The following SH3PXD2A variants were observed in gnomAD, a reference collection of about 807,000 sequenced individuals.
The protein encoded by SH3PXD2A is SH3 and PX domains 2A.
SH3PXD2A carries 32 observed loss-of-function variants against 115.2 expected under a neutral mutation model. The observed-to-expected ratio is 0.28, with a 90% CI of 0.21 to 0.37. SH3PXD2A has a LOEUF of 0.37. Ranked by LOEUF, SH3PXD2A falls within the 10% of genes least tolerant of loss-of-function variation. SH3PXD2A has a pLI of 1.00. For synonymous variants in SH3PXD2A, 610 were observed against 629.1 expected (o/e 0.97, Z 0.45); for missense variants, 1,328 against 1,498.7 (o/e 0.89, Z 1.88).
intron 3 of SH3PXD2A, among the ~76,000 whole-genome samples, chr10:103,766,355 T>G (rs1198314379): frequency 6.6e-6 from 1 of 152,188 alleles, no homozygotes; most frequent in Non-Finnish European, 1.5e-5. Flanking sequence ...GCATCGCTTA[T>G]CTGGTGCAGG....
At chr10:103,851,498 T>C (rs1262709813) in intron 1 of SH3PXD2A, among the ~76,000 whole-genome samples, 1 of 152,196 alleles carries the variant, frequency 6.6e-6, no homozygotes, top group African/African-American at 2.4e-5. Context: ...GCCCGGATTC[T>C]AATTGAAGAG....
chr10:103,632,145 T>C lies in SH3PXD2A; in HGVS notation c.605-4943A>G, dbSNP rs548457640. Among the ~76,000 whole-genome samples, 4 of 151,576 alleles carry C rather than the reference T, an allele frequency of 2.6e-5. No individual in the cohort carries two copies. The South Asian group carries it at 8.4e-4, about 32-fold the overall frequency. ...TCATACCACTGCACTCCAGTCTAGG[T>C]GACAGAGCGAGACCCCACCTAAAAA... On this transcript the variant is annotated intron_variant, in intron 8 of 14. Transcript: ENST00000369774.
chr10:103,743,300 T>A (rs980750489), intron 3 of SH3PXD2A, among the ~76,000 whole-genome samples: 1 of 152,156 alleles, frequency 6.6e-6, no homozygotes, highest in Non-Finnish European at 1.5e-5. Flanking sequence ...CTAAGTCTGT[T>A]TGATTTCAGA....
chr10:103,644,181 G>A (rs1318901498), intron 8 of SH3PXD2A, among the ~76,000 whole-genome samples: 1 of 147,112 alleles, frequency 6.8e-6, no homozygotes, highest in Non-Finnish European at 1.5e-5. Flanking sequence ...CTGGCCACAA[G>A]CAAGCTCTGA....
rs115580902 is a variant in SH3PXD2A at position 103,715,645 on chromosome 10, C to T, written c.398+8625G>A. On this transcript the variant is annotated intron_variant, in intron 5 of 14. Coordinates refer to ENST00000369774, the MANE Select transcript of SH3PXD2A (RefSeq NM_001394015.1). ...GTGACTTACAGAGAATGGAAGGCCA[C>T]GCAGTCAACCCACAGCAATGCTGCT... 8.1e-3 allele frequency among the ~76,000 whole-genome samples: 1,231 copies of T among 152,366 alleles called. 16 individuals are homozygous for T. The highest frequency in any genetic ancestry group is 0.028 in the African/African-American group (1,171 of 41,574).
intron 1 of SH3PXD2A, among the ~76,000 whole-genome samples, chr10:103,846,484 T>C (rs1842849713): frequency 6.6e-6 from 1 of 152,172 alleles, no homozygotes; most frequent in South Asian, 2.1e-4. Context: ...GTGAACCTTG[T>C]TTAAAAATTC....
chr10:103,806,248 T>C (rs977612797), intron 1 of SH3PXD2A, among the ~76,000 whole-genome samples: 2 of 151,466 alleles, frequency 1.3e-5, no homozygotes, highest in African/African-American at 4.9e-5. Flanking sequence ...GTTGAGGAAA[T>C]AGCAAGAGAC....
intron 1 of SH3PXD2A, among the ~76,000 whole-genome samples, chr10:103,836,396 AAC>A (rs2039540455): frequency 6.6e-6 from 1 of 151,208 alleles, no homozygotes; most frequent in South Asian, 2.1e-4. Context: ...ATACATCCCC[AAC>A]ACACACATTC....
intron 5 of SH3PXD2A, among the ~76,000 whole-genome samples, chr10:103,720,508 G>A (rs1475418928): frequency 6.6e-6 from 1 of 152,194 alleles, no homozygotes; most frequent in Non-Finnish European, 1.5e-5. Context: ...AGATGGAAAG[G>A]GAAGACGGTC....
chr10:103,719,138 T>C (rs1174431346), intron 5 of SH3PXD2A, among the ~76,000 whole-genome samples: 1 of 152,242 alleles, frequency 6.6e-6, no homozygotes, highest in Non-Finnish European at 1.5e-5. Context: ...CCACCCAGGC[T>C]ATGGTACTCT....
intron 4 of SH3PXD2A, among the ~76,000 whole-genome samples, chr10:103,732,889 C>A (rs996626045): frequency 6.6e-6 from 1 of 152,120 alleles, no homozygotes; most frequent in Non-Finnish European, 1.5e-5. Flanking sequence ...TGGGGTCGGC[C>A]GGTGATGCTG....
chr10:103,747,138 GC>G (rs2134199904), intron 3 of SH3PXD2A: 1 of 152,510 alleles, frequency 6.6e-6, no homozygotes, highest in East Asian at 1.9e-4. Flanking sequence ...CTTGCTCTAG[GC>G]TGTCTCTCAT....
chr10:103,810,530 A>G (rs1308321669), intron 1 of SH3PXD2A, among the ~76,000 whole-genome samples: 1 of 152,198 alleles, frequency 6.6e-6, no homozygotes, highest in Admixed American at 6.5e-5. Context: ...TTGAATTTCA[A>G]TCCATACATG....
intron 2 of SH3PXD2A, among the ~76,000 whole-genome samples, chr10:103,789,415 T>C (rs752978816): frequency 5.9e-5 from 9 of 152,296 alleles, no homozygotes; most frequent in South Asian, 2.1e-4. Flanking sequence ...GCACCATGCA[T>C]GGAGTCAGGC....
chr10:103,793,149 T>C (rs1201392539), intron 2 of SH3PXD2A, among the ~76,000 whole-genome samples: 1 of 152,202 alleles, frequency 6.6e-6, no homozygotes, highest in African/African-American at 2.4e-5. Context: ...ATTCTCCTTT[T>C]CTAAAAGAGT....
At chr10:103,753,495 CAAA>C (rs58148179) in intron 3 of SH3PXD2A, among the ~76,000 whole-genome samples, 10,715 of 65,086 alleles carry the variant, frequency 0.16, 490 homozygotes, top group African/African-American at 0.18. Flanking sequence ...GACCCCATCT[CAAA>C]AAAAAAAAAA....
intron 2 of SH3PXD2A, among the ~76,000 whole-genome samples, chr10:103,775,819 G>A (rs2038871934): frequency 6.6e-6 from 1 of 152,176 alleles, no homozygotes; most frequent in Non-Finnish European, 1.5e-5. Context: ...CACCAGCAGT[G>A]TGACGAGATG....
chr10:103,657,220 G>A (rs538251161), intron 8 of SH3PXD2A, among the ~76,000 whole-genome samples: 80 of 152,124 alleles, frequency 5.3e-4, no homozygotes, highest in Admixed American at 1.1e-3. Context: ...GAAAGGTGAG[G>A]CAGGAAAAAT....
intron 8 of SH3PXD2A, among the ~76,000 whole-genome samples, chr10:103,650,496 G>T (rs1389580433): frequency 1.3e-5 from 2 of 152,172 alleles, no homozygotes; most frequent in Non-Finnish European, 2.9e-5. Context: ...CAGCCCCCAG[G>T]CACTGTGGCT....
Sources: allele counts gnomAD v4.1 joint callset (sites outside exome capture counted in the v4.1 genomes callset), GRCh38; gene constraint gnomAD v4.1.1; transcripts MANE v1.5; gene names NCBI Gene and HGNC (gene_info 2026-07-23, HGNC 2026-07-21).